The following MSH4 variants were observed in gnomAD, a reference collection of about 807,000 sequenced individuals.
MSH4 encodes the protein mutS homolog 4.
MSH4 carries 106 observed loss-of-function variants against 113.7 expected under a neutral mutation model. The ratio of observed to expected loss-of-function variants is 0.93; its 90% CI spans 0.80 to 1.10. MSH4 has a LOEUF of 1.10. Among genes scored for constraint, MSH4 ranks in the 50% least tolerant of loss-of-function variants. The pLI, the probability that MSH4 is intolerant of heterozygous loss-of-function variation, is 0.00. For missense variants in MSH4, 1,061 were observed against 1,093.7 expected, an observed-to-expected ratio of 0.97 and a Z score of 0.42; for synonymous variants, 368 against 380.2, an observed-to-expected ratio of 0.97 and a Z score of 0.37.
chr1:75,852,456 G>C (rs542803451), intron 8 of MSH4, among the ~76,000 whole-genome samples: 75 of 152,174 alleles, frequency 4.9e-4, no homozygotes, highest in Non-Finnish European at 8.2e-4. Context: ...GGAACTGCTG[G>C]ATTGTTTTGC....
At chr1:75,885,059 G>GTGTATATATA (rs1300289205) in intron 15 of MSH4, among the ~76,000 whole-genome samples, 2 of 112,546 alleles carry the variant, frequency 1.8e-5, no homozygotes, top group African/African-American at 4.1e-5. Flanking sequence ...GTGTGTGTGT[G>GTGTATATATA]TATATATATA....
chr1:75,834,542 A>C (rs1017393687), intron 7 of MSH4, among the ~76,000 whole-genome samples: 2 of 152,228 alleles, frequency 1.3e-5, no homozygotes, highest in Non-Finnish European at 2.9e-5. Flanking sequence ...GGTGTCCAAC[A>C]ATGATAGACT....
chr1:75,863,357 G>C (rs76456433), intron 8 of MSH4, among the ~76,000 whole-genome samples: 1 of 151,978 alleles, frequency 6.6e-6, no homozygotes, highest in Non-Finnish European at 1.5e-5. Flanking sequence ...AAACTAACTA[G>C]TTAGCCTGCC....
At chr1:75,898,103 C>G in intron 18 of MSH4, 22 bp downstream of exon 18, 2 of 1,444,624 alleles carry the variant, frequency 1.4e-6, no homozygotes, top group Non-Finnish European at 1.9e-6. Context: ...AGAAATTATA[C>G]CTATACATTC....
intron 6 of MSH4, among the ~76,000 whole-genome samples, chr1:75,821,313 C>A (rs1650403196): frequency 6.6e-6 from 1 of 151,906 alleles, no homozygotes; most frequent in Non-Finnish European, 1.5e-5. Context: ...CTACTGGGTA[C>A]ATAACGAAAT....
intron 7 of MSH4, among the ~76,000 whole-genome samples, chr1:75,828,897 G>T (rs888797600): frequency 6.6e-6 from 1 of 152,124 alleles, no homozygotes; most frequent in Non-Finnish European, 1.5e-5. Context: ...CACAGAAGAC[G>T]GGTGATTTCT....
chr1:75,813,405 A>G (rs1487179981), intron 4 of MSH4, among the ~76,000 whole-genome samples: 1 of 152,234 alleles, frequency 6.6e-6, no homozygotes, highest in African/African-American at 2.4e-5. Context: ...GTGCTTAAGA[A>G]TAGAGAAGTC....
At chr1:75,903,474 T>C (rs1331419147) in intron 19 of MSH4, among the ~76,000 whole-genome samples, 4 of 152,082 alleles carry the variant, frequency 2.6e-5, no homozygotes, top group Non-Finnish European at 4.4e-5. Context: ...TGTTTCTAGG[T>C]TTGTTCTTTT....
At chr1:75,889,417 C>T (rs1652201663) in intron 16 of MSH4, 48 bp downstream of exon 16, 1 of 780,902 alleles carries the variant, frequency 1.3e-6, no homozygotes, top group South Asian at 1.7e-5. Context: ...AATTCTCTCA[C>T]TAATGGCCAG....
At chr1:75,824,904 G>GTTTTTTTTTTTTTTT (rs71588855) in intron 7 of MSH4, among the ~76,000 whole-genome samples, 2 of 120,256 alleles carry the variant, frequency 1.7e-5, no homozygotes, top group African/African-American at 3.1e-5. Flanking sequence ...CTTCAGCTTT[G>GTTTTTTTTTTTTTTT]TTTTTTTTTT....
At chr1:75,808,532 A>T (rs986484986) in intron 3 of MSH4, among the ~76,000 whole-genome samples, 10 of 152,304 alleles carry the variant, frequency 6.6e-5, no homozygotes, top group Non-Finnish European at 1.3e-4. Flanking sequence ...TATTTCTTCC[A>T]GAACTGTGTT....
intron 9 of MSH4, 145 bp from the exon 10 acceptor site, chr1:75,876,791 G>C (rs1651826669): frequency 2.5e-6 from 1 of 393,414 alleles, no homozygotes; most frequent in African/African-American, 2.1e-5. Flanking sequence ...CAGCTAGATA[G>C]CTACAAATAT....
chr1:75,869,698 G>T (rs12024086), intron 9 of MSH4, among the ~76,000 whole-genome samples: 81,878 of 151,994 alleles, frequency 0.54, 22,829 homozygotes, highest in South Asian at 0.71. Context: ...GCCTGCAGGT[G>T]CACAGAAGTC....
chr1:75,878,647 G>A (rs5745445), intron 11 of MSH4, among the ~76,000 whole-genome samples: 30,385 of 151,728 alleles, frequency 0.2, 3,188 homozygotes, highest in Middle Eastern at 0.27. Context: ...GAGACAAGAC[G>A]TTGTCTCTAC....
intron 6 of MSH4, among the ~76,000 whole-genome samples, chr1:75,818,040 A>G (rs1409417944): frequency 1.3e-5 from 2 of 152,294 alleles, no homozygotes; most frequent in East Asian, 1.9e-4. Flanking sequence ...TTCCAAGGCT[A>G]CTACCCTAAC....
In MSH4 at chr1:75,883,676, T is replaced by TG; in HGVS notation, c.1963dup (p.Glu655GlyfsTer20). The TG allele has an allele frequency of 6.2e-7, 1 of 1,613,390 alleles. No individual in the cohort carries two copies. Among genetic ancestry groups the TG allele is most frequent in the African/African-American group, 1.3e-5 (1 of 74,974 alleles). On this transcript the variant is annotated frameshift_variant, in exon 15 of 20. Transcript: ENST00000263187. LOFTEE classifies it high-confidence loss of function. ...TCAAACAGGGATGGCATCCTATTCT[T>TG]GAAAAAATATCTGCGGAAAAACCTA...
chr1:75,899,857 A>G (rs924659719), intron 19 of MSH4, 151 bp downstream of exon 19: 1 of 276,210 alleles, frequency 3.6e-6, no homozygotes, highest in Non-Finnish European at 6.6e-6. Context: ...AAGAAAATTA[A>G]TTTTACTTCT....
At chr1:75,907,689 C>CATATACATATATATATATAT (rs1652694311) in intron 19 of MSH4, among the ~76,000 whole-genome samples, 1 of 78,622 alleles carries the variant, frequency 1.3e-5, no homozygotes, top group Non-Finnish European at 2.3e-5. Flanking sequence ...TCTCTCTATA[C>CATATACATATATATATATAT]ATATATATAT....
chr1:75,892,056 C>T (rs974279311), intron 17 of MSH4, among the ~76,000 whole-genome samples: 1 of 152,140 alleles, frequency 6.6e-6, no homozygotes, highest in Non-Finnish European at 1.5e-5. Flanking sequence ...CTGAGTAAAG[C>T]AGATTGCCCT....
Sources: gnomAD v4.1 joint callset for allele counts (sites outside exome capture counted in the v4.1 genomes callset) on GRCh38, gnomAD v4.1.1 for gene constraint, MANE v1.5 for transcripts, NCBI Gene and HGNC (gene_info 2026-07-23, HGNC 2026-07-21) for gene names.